The following CPPED1 variants were observed in gnomAD, a reference collection of about 807,000 sequenced individuals.
CPPED1 encodes calcineurin like phosphoesterase domain containing 1.
CPPED1 carries 28 observed loss-of-function variants against 28.0 expected under a neutral mutation model. That is an observed-to-expected ratio of 1.00 (90% CI 0.74 to 1.37). The LOEUF is 1.37. Ranked by LOEUF, CPPED1 falls within the 40% of genes most tolerant of loss-of-function variation. CPPED1 has a pLI of 0.00. For synonymous variants in CPPED1, 198 were observed against 180.2 expected (o/e 1.10, Z -0.79); for missense variants, 504 against 416.5 (o/e 1.21, Z -1.83).
chr16:12,803,567 T>G (rs941428025), intron 1 of CPPED1, 140 bp downstream of exon 1: 4 of 676,010 alleles, frequency 5.9e-6, no homozygotes, highest in Non-Finnish European at 9.0e-6. Context: ...CAGGCTTTGA[T>G]GCAGCTATGG....
At chr16:12,679,669 C>T (rs2079895281) in intron 3 of CPPED1, among the ~76,000 whole-genome samples, 1 of 152,082 alleles carries the variant, frequency 6.6e-6, no homozygotes, top group Admixed American at 6.6e-5. Context: ...GGATATGCTG[C>T]CCTATTTTAG....
chr16:12,722,302 G>A (rs1189114875), intron 2 of CPPED1, among the ~76,000 whole-genome samples: 1 of 152,150 alleles, frequency 6.6e-6, no homozygotes, highest in East Asian at 1.9e-4. Flanking sequence ...AATCAATATC[G>A]CCCTCAGGTA....
rs192219736 is a variant in CPPED1, at chr16:12,692,161, T to C, written c.715+12463A>G. Among the ~76,000 whole-genome samples the C allele has an allele frequency of 2.5e-4, 38 of 152,188 alleles. No homozygotes were observed. In the South Asian group the frequency reaches 3.9e-3, roughly 16 times the overall value. On this transcript the variant is annotated intron_variant, in intron 3 of 3. Transcript: ENST00000381774. ...GAGCCACTGTGCCCGGCCGTGTCCA[T>C]TGCATTTTAAATGACCAATGGAGTC...
intron 1 of CPPED1, 113 bp downstream of exon 1, chr16:12,803,594 G>A: frequency 1.1e-6 from 1 of 950,266 alleles, no homozygotes; most frequent in Non-Finnish European, 1.5e-6. Flanking sequence ...CCAGGCCCCG[G>A]TGCAGCCCCG....
intron 2 of CPPED1, among the ~76,000 whole-genome samples, chr16:12,746,753 A>G (rs1416066250): frequency 6.6e-6 from 1 of 152,222 alleles, no homozygotes; most frequent in Non-Finnish European, 1.5e-5. Flanking sequence ...CACAAAGCAC[A>G]GGAATGGAGG....
intron 2 of CPPED1, among the ~76,000 whole-genome samples, chr16:12,772,872 A>T (rs2080477700): frequency 6.6e-6 from 1 of 152,236 alleles, no homozygotes. Flanking sequence ...CATAGAACAC[A>T]TATTAAACAA....
intron 2 of CPPED1, among the ~76,000 whole-genome samples, chr16:12,778,852 G>T (rs1000230903): frequency 1.3e-5 from 2 of 152,176 alleles, no homozygotes; most frequent in African/African-American, 4.8e-5. Context: ...CCAGAAAACA[G>T]TCCAAGTCTC....
intron 2 of CPPED1, among the ~76,000 whole-genome samples, chr16:12,726,314 A>G (rs921019133): frequency 1.4e-5 from 2 of 147,898 alleles, no homozygotes; most frequent in African/African-American, 5.0e-5. Context: ...TGCTGGGATA[A>G]CAGGTGTGAG....
chr16:12,776,316 G>A (rs1161711103), intron 2 of CPPED1, among the ~76,000 whole-genome samples: 1 of 152,192 alleles, frequency 6.6e-6, no homozygotes, highest in Non-Finnish European at 1.5e-5. Context: ...TGACCCCTGG[G>A]ATGGTAAGAG....
At chr16:12,681,546 C>G (rs79672306) in intron 3 of CPPED1, among the ~76,000 whole-genome samples, 1 of 152,136 alleles carries the variant, frequency 6.6e-6, no homozygotes, top group South Asian at 2.1e-4. Flanking sequence ...ACCTGATTAA[C>G]GATTCACAAA....
chr16:12,682,021 C>T lies in CPPED1; in HGVS notation c.716-16906G>A, dbSNP rs896501735. ...CGAGGATTAGTTATGCTCCTCCAAC[C>T]CCCAGACTCACTGCCGTTTATTACT... On this transcript the variant is annotated intron_variant, in intron 3 of 3. Coordinates refer to ENST00000381774, the MANE Select transcript of CPPED1 (RefSeq NM_018340.3). The surrounding 1 kb of genome is among the most constrained non-coding windows in gnomAD (Gnocchi z 6.1). 5.9e-5 allele frequency among the ~76,000 whole-genome samples: 9 copies of T among 152,006 alleles called. No individual in the cohort carries two copies. The highest frequency in any genetic ancestry group is 8.8e-5 in the Non-Finnish European group (6 of 68,004).
intron 1 of CPPED1, among the ~76,000 whole-genome samples, chr16:12,797,605 T>G (rs1023664554): frequency 6.6e-6 from 1 of 152,060 alleles, no homozygotes. Flanking sequence ...CCTGTAATCC[T>G]AGCACAGGGA....
intron 3 of CPPED1, among the ~76,000 whole-genome samples, chr16:12,672,411 T>C (rs2079857046): frequency 6.6e-6 from 1 of 152,254 alleles, no homozygotes; most frequent in Non-Finnish European, 1.5e-5. Flanking sequence ...ATGGAAGACC[T>C]GTTAAATGAC....
Position 12,682,159 on chromosome 16 carries a change from C to T in CPPED1, c.716-17044G>A, listed in dbSNP as rs759911535. On this transcript the variant is annotated intron_variant, in intron 3 of 3. Coordinates refer to ENST00000381774, the MANE Select transcript of CPPED1 (RefSeq NM_018340.3). The surrounding 1 kb of genome is among the most constrained non-coding windows in gnomAD (Gnocchi z 6.1). Reference sequence around the variant, plus strand: ...AGCAGTTCTCCCTGCCTCAGCCTCCCGAGTAGCTGAGATTACAGGTTCCCG... The same window carrying T: ...AGCAGTTCTCCCTGCCTCAGCCTCCTGAGTAGCTGAGATTACAGGTTCCCG... Among the ~76,000 whole-genome samples, 83 of 152,120 alleles carry T rather than the reference C, an allele frequency of 5.5e-4. No individual in the cohort carries two copies. The highest frequency in any genetic ancestry group is 1.0e-3 in the Non-Finnish European group (69 of 68,004).
At chr16:12,780,748 AG>A (rs1202848153) in intron 2 of CPPED1, among the ~76,000 whole-genome samples, 1 of 139,646 alleles carries the variant, frequency 7.2e-6, no homozygotes, top group Non-Finnish European at 1.6e-5. Context: ...AAAAAAAAAA[AG>A]GGAATCCTGT....
intron 2 of CPPED1, 87 bp downstream of exon 2, chr16:12,781,098 T>G: frequency 7.9e-7 from 1 of 1,258,860 alleles, no homozygotes; most frequent in Non-Finnish European, 1.1e-6. Context: ...AAAGATGCCT[T>G]CGAAGCAAAA....
rs1466208837 is a variant in CPPED1, at chr16:12,662,424, T to C, written c.*2462A>G. The stretch of plus-strand genomic sequence containing the variant: ...TTTGTATAAATATAAGGCGTACAAG[T>C]GCAGTTTTGTTACACGGATATATTG... On this transcript the variant is annotated 3_prime_UTR_variant, in exon 4 of 4. Coordinates refer to ENST00000381774, the MANE Select transcript of CPPED1 (RefSeq NM_018340.3). The C allele has an allele frequency of 6.6e-6, 1 of 152,228 alleles. No individual in the cohort carries two copies. Among genetic ancestry groups the C allele is most frequent in the African/African-American group, 2.4e-5 (1 of 41,460 alleles). 9.4% of individuals were successfully genotyped at this position (152,228 alleles called of 1,614,324 possible). A position where few individuals can be genotyped will look rare whatever the true frequency, so the allele number is the denominator to read the frequency against.
intron 1 of CPPED1, among the ~76,000 whole-genome samples, chr16:12,796,820 T>G (rs1038665923): frequency 1.1e-4 from 17 of 152,112 alleles, no homozygotes; most frequent in Admixed American, 4.6e-4. Flanking sequence ...GGTACCCAGA[T>G]GCGTGAAATG....
chr16:12,738,575 G>A (rs1056792003), intron 2 of CPPED1, among the ~76,000 whole-genome samples: 1 of 152,096 alleles, frequency 6.6e-6, no homozygotes. Context: ...TTATTCAGAA[G>A]CAAGAATGCT....
Sources: allele counts gnomAD v4.1 joint callset (sites outside exome capture counted in the v4.1 genomes callset), GRCh38; gene constraint gnomAD v4.1.1; non-coding constraint Gnocchi (gnomAD v3.1); transcripts MANE v1.5; gene names NCBI Gene and HGNC (gene_info 2026-07-23, HGNC 2026-07-21).